Variants in MAGI2 observed in about 807,000 individuals in gnomAD.
MAGI2 encodes membrane-associated guanylate kinase, WW and PDZ domain-containing protein 2.
MAGI2 carries 35 observed loss-of-function variants against 133.3 expected under a neutral mutation model. The observed-to-expected ratio is 0.26, with a 90% CI of 0.20 to 0.35. MAGI2 has a LOEUF of 0.35. Among genes scored for constraint, MAGI2 ranks in the 10% least tolerant of loss-of-function variants. The probability of loss-of-function intolerance (pLI) is 1.00; values close to 1 mark genes in which losing one functional copy is unlikely to be tolerated. For synonymous variants in MAGI2, 729 were observed against 710.6 expected (o/e 1.03, Z -0.41); for missense variants, 1,636 against 1,863.4 (o/e 0.88, Z 2.25).
intron 1 of MAGI2, among the ~76,000 whole-genome samples, chr7:79,124,337 C>T (rs1820199456): frequency 6.6e-6 from 1 of 152,182 alleles, no homozygotes; most frequent in Non-Finnish European, 1.5e-5. Flanking sequence ...TATGCTTTAA[C>T]ATACAACATT....
intron 1 of MAGI2, among the ~76,000 whole-genome samples, chr7:79,226,267 G>A (rs137886199): frequency 6.6e-6 from 1 of 152,256 alleles, no homozygotes; most frequent in East Asian, 1.9e-4. Context: ...ATTCCATCAA[G>A]ATAGTTACAG....
At chr7:78,479,362 G>A (rs1383264405) in intron 6 of MAGI2, among the ~76,000 whole-genome samples, 6 of 151,754 alleles carry the variant, frequency 4.0e-5, no homozygotes, top group South Asian at 2.1e-4. Flanking sequence ...CCTCTTCCCC[G>A]TACCTGCCTA....
chr7:78,511,554 T>TATATATATAAA (rs372551773), intron 4 of MAGI2, among the ~76,000 whole-genome samples: 1 of 104,804 alleles, frequency 9.5e-6, no homozygotes, highest in African/African-American at 3.9e-5. Flanking sequence ...TATATAAATT[T>TATATATATAAA]TTTTTTTTTT....
In MAGI2 at chr7:78,256,279, A is replaced by G. The variant is rs1290986768; in HGVS notation, c.1711T>C (p.Ser571Pro). The change falls in exon 10 of 22, where the codon TCC (serine) becomes CCC (proline). Residue 571 changes from serine to proline, a missense_variant. Ser to Pro is a moderately conservative substitution (Grantham distance 74). Transcript: ENST00000354212. ...TCTAGCTGACCATCAGTTGGCATGG[A>G]GTGCAGAGAATGAGGCGGCCGATCT... ...ITDRPPHSLH[S>P]MPTDGQLDGT... 1 of 1,614,088 alleles carries G rather than the reference A, an allele frequency of 6.2e-7. No homozygotes were observed. Among genetic ancestry groups the G allele is most frequent in the Non-Finnish European group, 8.5e-7 (1 of 1,179,996 alleles).
chr7:79,255,187 A>G (rs1174137021), intron 1 of MAGI2, among the ~76,000 whole-genome samples: 1 of 152,212 alleles, frequency 6.6e-6, no homozygotes, highest in Non-Finnish European at 1.5e-5. Flanking sequence ...AAAGAGTGGG[A>G]GACAAACCAA....
At chr7:78,954,308 C>A (rs1802117613) in intron 2 of MAGI2, among the ~76,000 whole-genome samples, 1 of 152,034 alleles carries the variant, frequency 6.6e-6, no homozygotes, top group Admixed American at 6.6e-5. Flanking sequence ...AAAATTATGA[C>A]CTCCCACATT....
rs556874001 is a variant in MAGI2, at chr7:78,468,636, GTTAT to G, written c.1045+21121_1045+21124del. Among the ~76,000 whole-genome samples, 28 of 152,080 alleles carry G rather than the reference GTTAT, an allele frequency of 1.8e-4. No individual in the cohort carries two copies. In the South Asian group the frequency reaches 5.8e-3, roughly 32 times the overall value. ...GGTTTCAAGTTATAATTTTCTCTAA[GTTAT>G]TTAATATAATTGGCTTTGCTTTTTC... On this transcript the variant is annotated intron_variant, in intron 6 of 21. Coordinates refer to ENST00000354212, the MANE Select transcript of MAGI2 (RefSeq NM_012301.4).
intron 1 of MAGI2, among the ~76,000 whole-genome samples, chr7:79,228,069 G>A (rs930761676): frequency 6.6e-6 from 1 of 151,976 alleles, no homozygotes; most frequent in Admixed American, 6.6e-5. Context: ...TGAAGGCTAG[G>A]TGCCTTGTCT....
At chr7:78,584,222 C>A (rs1000433626) in intron 3 of MAGI2, among the ~76,000 whole-genome samples, 1 of 151,976 alleles carries the variant, frequency 6.6e-6, no homozygotes. Flanking sequence ...GAGTTCGAGA[C>A]CAGCCTGGTC....
intron 10 of MAGI2, among the ~76,000 whole-genome samples, chr7:78,234,110 G>A (rs947586237): frequency 6.6e-6 from 1 of 152,086 alleles, no homozygotes; most frequent in African/African-American, 2.4e-5. Flanking sequence ...TGTGGTATGG[G>A]GAGTTTTTTG....
intron 2 of MAGI2, among the ~76,000 whole-genome samples, chr7:78,750,762 G>C (rs923964607): frequency 6.6e-6 from 1 of 152,052 alleles, no homozygotes; most frequent in African/African-American, 2.4e-5. Flanking sequence ...TTAAATTTTC[G>C]CTCTTGCAAA....
chr7:79,266,406 C>T (rs1834461979), intron 1 of MAGI2, among the ~76,000 whole-genome samples: 1 of 151,966 alleles, frequency 6.6e-6, no homozygotes, highest in Non-Finnish European at 1.5e-5. Context: ...CATTTGTTCC[C>T]AAATTACTTT....
intron 3 of MAGI2, among the ~76,000 whole-genome samples, chr7:78,587,845 A>G (rs1803583974): frequency 6.6e-6 from 1 of 152,234 alleles, no homozygotes; most frequent in Non-Finnish European, 1.5e-5. Context: ...CAGAATTTAT[A>G]ATCGTATGTT....
chr7:78,745,795 G>A (rs1326803888), intron 2 of MAGI2, among the ~76,000 whole-genome samples: 1 of 152,142 alleles, frequency 6.6e-6, no homozygotes, highest in Non-Finnish European at 1.5e-5. Context: ...GGGATACTCA[G>A]AAAATCATTT....
intron 9 of MAGI2, among the ~76,000 whole-genome samples, chr7:78,264,327 C>T (rs1793794438): frequency 1.3e-5 from 2 of 152,138 alleles, no homozygotes; most frequent in South Asian, 2.1e-4. Context: ...AACACAAATG[C>T]TAAGAATTTC....
rs1270990505 is a variant in MAGI2 at position 78,017,064 on chromosome 7, AAAAAG to A, written c.*2246_*2250del. 6.5e-6 allele frequency: 1 copy of A among 152,682 alleles called. No individual in the cohort carries two copies. The highest frequency in any genetic ancestry group is 1.5e-5 in the Non-Finnish European group (1 of 68,044). 9.5% of individuals were successfully genotyped at this position (152,682 alleles called of 1,614,324 possible). A position where few individuals can be genotyped will look rare whatever the true frequency, so the allele number is the denominator to read the frequency against. ...ATTAACACACAGCCTATATAGTTGGAAAAAGAAAAGATTTTTGGATATATATTTTA... is the reference window on the plus strand; with the variant it reads ...ATTAACACACAGCCTATATAGTTGGAAAAAGATTTTTGGATATATATTTTA... On this transcript the variant is annotated 3_prime_UTR_variant, in exon 22 of 22. Transcript: ENST00000354212.
At chr7:78,323,832 CTT>C (rs985040530) in intron 9 of MAGI2, among the ~76,000 whole-genome samples, 2 of 152,096 alleles carry the variant, frequency 1.3e-5, no homozygotes, top group African/African-American at 4.8e-5. Flanking sequence ...ATGATACTCA[CTT>C]ATTGATTAAA....
At chr7:78,127,087 TCAGCTCTCCATCC>T in intron 19 of MAGI2, 97 bp downstream of exon 19, 1 of 819,734 alleles carries the variant, frequency 1.2e-6, no homozygotes, top group Non-Finnish European at 1.9e-6. Flanking sequence ...GAATAGAACT[TCAGCTCTCCATCC>T]CAGACAGGTA....
intron 21 of MAGI2, among the ~76,000 whole-genome samples, chr7:78,051,958 A>G (rs1812056444): frequency 6.8e-6 from 1 of 146,600 alleles, no homozygotes; most frequent in African/African-American, 2.6e-5. Flanking sequence ...ATCAGAGCTC[A>G]CTGCCTGGGC....
Sources: allele counts gnomAD v4.1 joint callset (sites outside exome capture counted in the v4.1 genomes callset), GRCh38; gene constraint gnomAD v4.1.1; transcripts MANE v1.5; gene names NCBI Gene and HGNC (gene_info 2026-07-23, HGNC 2026-07-21).